The following SPOCK3 variants were observed in gnomAD, a reference collection of about 807,000 sequenced individuals.
SPOCK3 encodes the protein SPARC (osteonectin), cwcv and kazal like domains proteoglycan 3, also known as testican-3.
SPOCK3 carries 30 observed loss-of-function variants against 56.6 expected under a neutral mutation model. The ratio of observed to expected loss-of-function variants is 0.53; its 90% CI spans 0.40 to 0.72. SPOCK3 has a LOEUF of 0.72. Among genes scored for constraint, SPOCK3 ranks in the 30% least tolerant of loss-of-function variants. The pLI is 0.00. For missense variants in SPOCK3, 527 were observed against 530.0 expected (o/e 0.99, Z 0.06); for synonymous variants, 196 against 183.3 (o/e 1.07, Z -0.56).
At chr4:166,777,483 G>C (rs1044177421) in intron 7 of SPOCK3, among the ~76,000 whole-genome samples, 1 of 152,122 alleles carries the variant, frequency 6.6e-6, no homozygotes, top group Non-Finnish European at 1.5e-5. Context: ...TAGTGAAAGA[G>C]TATAGGTTTC....
At chr4:167,214,790 G>C (rs1735203104) in intron 2 of SPOCK3, among the ~76,000 whole-genome samples, 1 of 151,972 alleles carries the variant, frequency 6.6e-6, no homozygotes, top group Non-Finnish European at 1.5e-5. Flanking sequence ...GTTCAGACAA[G>C]ATGCAGTGAG....
chr4:166,856,456 T>C (rs1236329204), intron 6 of SPOCK3, among the ~76,000 whole-genome samples: 1 of 152,168 alleles, frequency 6.6e-6, no homozygotes, highest in Non-Finnish European at 1.5e-5. Flanking sequence ...TATGTAATTG[T>C]TATTTGTCAT....
chr4:167,062,917 A>G (rs1348926969), intron 2 of SPOCK3, among the ~76,000 whole-genome samples: 1 of 151,914 alleles, frequency 6.6e-6, no homozygotes, highest in African/African-American at 2.4e-5. Flanking sequence ...AAAGCTAATA[A>G]GCTATAAAGT....
rs74614316 is a variant in SPOCK3, at chr4:167,131,120, C to T, written c.190-68583G>A. ...TACTAAATTAATTGTACAAACACAC[C>T]GAGACATGAACAAGATCTCATGGTG... On this transcript the variant is annotated intron_variant, in intron 2 of 10. Transcript: ENST00000357545. Among the ~76,000 whole-genome samples, 1,307 of 151,572 alleles carry T rather than the reference C, an allele frequency of 8.6e-3. 20 individuals carry two copies. Among genetic ancestry groups the T allele is most frequent in the African/African-American group, 0.03 (1,220 of 41,338 alleles).
chr4:166,750,717 C>T (rs1309184349), intron 8 of SPOCK3, among the ~76,000 whole-genome samples: 1 of 151,824 alleles, frequency 6.6e-6, no homozygotes, highest in Non-Finnish European at 1.5e-5. Flanking sequence ...TTTTATTTAC[C>T]CATGAAATTT....
intron 4 of SPOCK3, among the ~76,000 whole-genome samples, chr4:166,964,367 C>G (rs1434201311): frequency 6.6e-6 from 1 of 151,654 alleles, no homozygotes; most frequent in African/African-American, 2.4e-5. Flanking sequence ...AGTATTTAGA[C>G]ATCAGATATT....
chr4:166,917,613 G>C (rs1738007094), intron 4 of SPOCK3, among the ~76,000 whole-genome samples: 1 of 152,042 alleles, frequency 6.6e-6, no homozygotes, highest in South Asian at 2.1e-4. Context: ...ATCCTATACA[G>C]GGTCACTGTC....
intron 2 of SPOCK3, among the ~76,000 whole-genome samples, chr4:167,101,720 T>TC (rs1759666631): frequency 6.7e-6 from 1 of 148,754 alleles, no homozygotes; most frequent in African/African-American, 2.5e-5. Context: ...ACTCTTTTTT[T>TC]TTTTTTTTTT....
rs1433787427 is a variant in SPOCK3 at position 166,738,785 on chromosome 4, T to C, written c.995-1181A>G. 2.9e-4 allele frequency among the ~76,000 whole-genome samples: 44 copies of C among 151,914 alleles called. No homozygotes were observed. In the East Asian group the frequency reaches 7.4e-3, roughly 26 times the overall value. On this transcript the variant is annotated intron_variant, in intron 9 of 10. Transcript: ENST00000357545. ...ATTTCCAATTTCATCCATGTCGCTA[T>C]AAAGGACATGAACTCATCATTTTTT...
chr4:166,850,036 T>C (rs1287408653), intron 6 of SPOCK3, among the ~76,000 whole-genome samples: 1 of 133,590 alleles, frequency 7.5e-6, no homozygotes, highest in Middle Eastern at 4.1e-3. Flanking sequence ...AGAATGCTAC[T>C]ATGAACACAG....
At chr4:167,145,810 G>A (rs1763899180) in intron 2 of SPOCK3, among the ~76,000 whole-genome samples, 1 of 151,856 alleles carries the variant, frequency 6.6e-6, no homozygotes, top group South Asian at 2.1e-4. Flanking sequence ...CCTGAAGGAA[G>A]CACTACACAT....
At chr4:167,116,526 A>G (rs815211) in intron 2 of SPOCK3, among the ~76,000 whole-genome samples, 1 of 137,956 alleles carries the variant, frequency 7.2e-6, no homozygotes, top group African/African-American at 2.6e-5. Flanking sequence ...ATATACGTAT[A>G]TGTATATATA....
intron 2 of SPOCK3, among the ~76,000 whole-genome samples, chr4:167,097,440 A>G (rs573297102): frequency 6.6e-6 from 1 of 151,810 alleles, no homozygotes; most frequent in African/African-American, 2.4e-5. Context: ...TCTGTGTCTT[A>G]CATTGCTTTT....
intron 4 of SPOCK3, among the ~76,000 whole-genome samples, chr4:166,972,511 A>G (rs1206883750): frequency 1.3e-5 from 2 of 152,168 alleles, no homozygotes; most frequent in East Asian, 3.8e-4. Context: ...CAGAGGGGAG[A>G]AAAAGAAACA....
chr4:167,012,817 G>T (rs1414495231), intron 3 of SPOCK3, among the ~76,000 whole-genome samples: 3 of 151,902 alleles, frequency 2.0e-5, no homozygotes, highest in Non-Finnish European at 4.4e-5. Context: ...TGTTCTGATA[G>T]CAGTTTCTTT....
intron 3 of SPOCK3, among the ~76,000 whole-genome samples, chr4:167,052,245 A>G (rs1029633636): frequency 1.4e-4 from 21 of 152,210 alleles, no homozygotes; most frequent in African/African-American, 5.1e-4. Context: ...TAAATTTCTC[A>G]TTTAGAAGCC....
At chr4:167,144,776 GT>G (rs35261719) in intron 2 of SPOCK3, among the ~76,000 whole-genome samples, 78,101 of 150,162 alleles carry the variant, frequency 0.52, 20,570 homozygotes, top group East Asian at 0.66. Context: ...TAATCTTGAT[GT>G]GGAAGCAACA....
chr4:166,927,206 G>A (rs1265931618), intron 4 of SPOCK3, among the ~76,000 whole-genome samples: 2 of 152,098 alleles, frequency 1.3e-5, no homozygotes, highest in Non-Finnish European at 2.9e-5. Flanking sequence ...GTTTCACTCT[G>A]TATCCCCACC....
Position 167,061,359 on chromosome 4 carries a change from A to G in SPOCK3, c.235+1133T>C, listed in dbSNP as rs984362818. ...CATTGGCTTGACTTATTAGTAACAA[A>G]TTCAAAATTAATTCTTTTAGAATTT... On this transcript the variant is annotated intron_variant, in intron 3 of 10. Transcript: ENST00000357545. Among the ~76,000 whole-genome samples the G allele has an allele frequency of 6.6e-5, 10 of 152,146 alleles. No individual in the cohort carries two copies. The East Asian group carries it at 1.9e-3, about 29-fold the overall frequency.
Sources: allele counts gnomAD v4.1 joint callset (sites outside exome capture counted in the v4.1 genomes callset), GRCh38; gene constraint gnomAD v4.1.1; transcripts MANE v1.5; gene names NCBI Gene and HGNC (gene_info 2026-07-23, HGNC 2026-07-21).